DDX43: variants seen among roughly 807,000 people sequenced by gnomAD.
DDX43 encodes the protein probable ATP-dependent RNA helicase DDX43.
Under a neutral mutation model 84.9 loss-of-function variants are expected in DDX43, and 50 were observed. The ratio of observed to expected loss-of-function variants is 0.59; its 90% CI spans 0.47 to 0.75. DDX43 has a LOEUF of 0.75. Among genes scored for constraint, DDX43 ranks in the 30% least tolerant of loss-of-function variants. The pLI, the probability that DDX43 is intolerant of heterozygous loss-of-function variation, is 0.00. For missense variants in DDX43, 689 were observed against 798.6 expected (o/e 0.86, Z 1.65); for synonymous variants, 291 against 266.3 (o/e 1.09, Z -0.90).
intron 1 of DDX43, among the ~76,000 whole-genome samples, chr6:73,396,358 T>TA (rs1769472444): frequency 6.6e-6 from 1 of 152,230 alleles, no homozygotes; most frequent in Non-Finnish European, 1.5e-5. Flanking sequence ...TATTTCACCC[T>TA]TTTTAAAACC....
chr6:73,396,014 G>T (rs1453241885), intron 1 of DDX43, among the ~76,000 whole-genome samples: 8 of 150,312 alleles, frequency 5.3e-5, no homozygotes, highest in African/African-American at 2.0e-4. Flanking sequence ...CAGCTGGAGT[G>T]CAGTGTGGCG....
At position 73,401,967 on chromosome 6, in the gene DDX43, A is replaced by C. The variant is rs752322328; in HGVS notation, c.545A>C (p.Lys182Thr). Residue 182 changes from lysine (K) to threonine (T), a missense_variant, in exon 4 of 17, where the codon AAA becomes ACA. Lys to Thr is a moderately conservative substitution (Grantham distance 78). Transcript: ENST00000370336. ...DWDQIREEGL[K>T]WQKTKWADLP... Reference sequence around the variant, plus strand: ...GATCAAATTAGAGAGGAAGGTTTGAAATGGCAAAAAACAAAGTGGGCAGGT... The same window carrying C: ...GATCAAATTAGAGAGGAAGGTTTGACATGGCAAAAAACAAAGTGGGCAGGT... The C allele has an allele frequency of 3.7e-6, 6 of 1,614,018 alleles. No individual in the cohort carries two copies. The African/African-American group carries it at 8.0e-5, about 22-fold the overall frequency.
intron 3 of DDX43, among the ~76,000 whole-genome samples, chr6:73,401,541 G>C (rs147801967): frequency 0.037 from 5,678 of 152,230 alleles, 351 homozygotes; most frequent in East Asian, 0.16. Context: ...GGTGGCTCAC[G>C]CCTGTAATCC....
At position 73,406,410 on chromosome 6, in the gene DDX43, T is replaced by C; in HGVS notation, c.854T>C (p.Val285Ala). The change falls in exon 7 of 17, where the codon GTA becomes GCA. Residue 285 changes from valine (V) to alanine (A), a missense_variant. By Grantham distance (64) the Val-to-Ala change is moderately conservative. This residue lies in a region of DDX43 where 552 missense variants were observed against 692.7 expected (regional missense o/e 0.80). Transcript: ENST00000370336. Reference protein sequence around the residue: ...IVLQGIDLIGVAQTGTGKTLC... With the variant: ...IVLQGIDLIGAAQTGTGKTLC... The stretch of plus-strand genomic sequence containing the variant: ...TTGCAAGGAATAGATCTTATAGGAG[T>C]AGCCCAGACTGGAACAGGAAAGACA... 6.2e-7 allele frequency: 1 copy of C among 1,613,578 alleles called. No individual in the cohort carries two copies. The highest frequency in any genetic ancestry group is 8.5e-7 in the Non-Finnish European group (1 of 1,179,602).
In DDX43 at chr6:73,394,828, A is replaced by ACGTAAGAC; in HGVS notation, c.-76_-75insTAAGACCG. ...GTAGCGGCTGCGTGGCTTCCCTGGC[A>ACGTAAGAC]CGCTACTCTTACGACGTCACGGTCA... On this transcript the variant is annotated 5_prime_UTR_variant, in exon 1 of 17. Coordinates refer to ENST00000370336, the MANE Select transcript of DDX43 (RefSeq NM_018665.3). The ACGTAAGAC allele has an allele frequency of 1.9e-6, 3 of 1,558,552 alleles. No homozygotes were observed. The highest frequency in any genetic ancestry group is 2.6e-6 in the Non-Finnish European group (3 of 1,154,022).
At chr6:73,399,118 T>A (rs1240448545) in intron 2 of DDX43, among the ~76,000 whole-genome samples, 2 of 152,048 alleles carry the variant, frequency 1.3e-5, no homozygotes, top group African/African-American at 4.8e-5. Context: ...GGCTAATTTT[T>A]GTACTTTAAG....
intron 11 of DDX43, among the ~76,000 whole-genome samples, chr6:73,412,669 G>GTGTGTGTGTGTGTGTGCGCA (rs1491262351): frequency 6.9e-5 from 2 of 29,190 alleles, no homozygotes; most frequent in Non-Finnish European, 1.8e-4. Context: ...GTGTGTGTGT[G>GTGTGTGTGTGTGTGTGCGCA]CGCGCGCGCG....
intron 10 of DDX43, among the ~76,000 whole-genome samples, chr6:73,409,769 G>A (rs775132546): frequency 6.6e-6 from 1 of 152,148 alleles, no homozygotes. Context: ...ACTGGCTCAC[G>A]CCTATAATCC....
chr6:73,398,606 C>T (rs1191102757), intron 2 of DDX43, among the ~76,000 whole-genome samples: 3 of 152,068 alleles, frequency 2.0e-5, no homozygotes, highest in Non-Finnish European at 4.4e-5. Flanking sequence ...CTGGAATATT[C>T]GGAGGTAAAA....
chr6:73,401,351 A>G (rs954859492), intron 3 of DDX43, among the ~76,000 whole-genome samples: 2 of 152,316 alleles, frequency 1.3e-5, no homozygotes, highest in East Asian at 1.9e-4. Flanking sequence ...GGGTATGACA[A>G]TATTTTAGCA....
intron 11 of DDX43, among the ~76,000 whole-genome samples, chr6:73,412,668 T>TGTGTGTGTGCGCGCGCGCGC (rs538597626): frequency 9.2e-6 from 1 of 108,396 alleles, no homozygotes; most frequent in African/African-American, 4.0e-5. Context: ...TGTGTGTGTG[T>TGTGTGTGTGCGCGCGCGCGC]GCGCGCGCGC....
intron 3 of DDX43, among the ~76,000 whole-genome samples, chr6:73,400,729 C>A (rs1161617140): frequency 1.3e-5 from 2 of 152,166 alleles, no homozygotes; most frequent in African/African-American, 4.8e-5. Flanking sequence ...AGGATCCTAA[C>A]CCTAGTCTTG....
rs1411523671 is a variant in DDX43 at position 73,395,069 on chromosome 6, C to A, written c.164C>A (p.Ser55Tyr). The change falls in exon 1 of 17, where the codon TCT becomes TAT. Residue 55 changes from serine (S) to tyrosine (Y), a missense_variant. Ser to Tyr is a moderately radical substitution (Grantham distance 144). Transcript: ENST00000370336. ...VGRGGRWRGT[S>Y]RPPEAVAAGH... ...AGAGGTGGTCGCTGGAGAGGCACCTCTAGGCCCCCGGAGGCCGTGGCCGCT... is the reference window on the plus strand; with the variant it reads ...AGAGGTGGTCGCTGGAGAGGCACCTATAGGCCCCCGGAGGCCGTGGCCGCT... 6.2e-7 allele frequency: 1 copy of A among 1,613,364 alleles called. No individual in the cohort carries two copies. Among genetic ancestry groups the A allele is most frequent in the Non-Finnish European group, 8.5e-7 (1 of 1,179,734 alleles).
intron 5 of DDX43, 129 bp downstream of exon 5, chr6:73,404,900 T>TA (rs1769642234): frequency 1.3e-6 from 1 of 751,192 alleles, no homozygotes; most frequent in East Asian, 2.7e-5. Context: ...TGTGTCAACT[T>TA]ACATGATATT....
chr6:73,396,557 C>T (rs1361673674), intron 1 of DDX43, among the ~76,000 whole-genome samples: 1 of 152,242 alleles, frequency 6.6e-6, no homozygotes, highest in African/African-American at 2.4e-5. Flanking sequence ...TGAAAGGGCA[C>T]TGTGCTACAG....
At chr6:73,397,793 A>G in intron 2 of DDX43, 49 bp downstream of exon 2, 1 of 1,514,944 alleles carries the variant, frequency 6.6e-7, no homozygotes, top group Non-Finnish European at 9.2e-7. Context: ...ATGCATTTCT[A>G]AGGGAGCACC....
In DDX43 at chr6:73,416,164, CA is replaced by C; in HGVS notation, c.1886del (p.Gln629ArgfsTer55). ...SMAERFKAHQ[Q>X]KREMERKMER... ...GGCTGAGAGGTTTAAGGCACATCAA[CA>C]GAAAAGGGAAATGGAAAGAAAAATG... On this transcript the variant is annotated frameshift_variant, in exon 16 of 17. Coordinates refer to ENST00000370336, the MANE Select transcript of DDX43 (RefSeq NM_018665.3). LOFTEE classifies it high-confidence loss of function. The C allele has an allele frequency of 1.3e-6, 2 of 1,598,246 alleles. No homozygotes were observed. The highest frequency in any genetic ancestry group is 1.7e-6 in the Non-Finnish European group (2 of 1,165,682).
intron 1 of DDX43, 111 bp from the exon 2 acceptor site, chr6:73,397,578 C>T: frequency 1.2e-6 from 1 of 850,068 alleles, no homozygotes. Context: ...TTGTTGAACC[C>T]TAGGAGCATT....
chr6:73,413,844 A>G, intron 12 of DDX43, 59 bp downstream of exon 12: 4 of 1,567,038 alleles, frequency 2.6e-6, no homozygotes, highest in South Asian at 2.3e-5. Flanking sequence ...GATCATTTCT[A>G]TTTGTATACT....
Sources: gnomAD v4.1 joint callset for allele counts (sites outside exome capture counted in the v4.1 genomes callset) on GRCh38, gnomAD v4.1.1 for gene constraint, gnomAD v4.1.1 regional missense constraint, MANE v1.5 for transcripts, NCBI Gene and HGNC (gene_info 2026-07-23, HGNC 2026-07-21) for gene names.